Variants in APBB2 observed in about 807,000 individuals in gnomAD.
The protein encoded by APBB2 is amyloid beta precursor protein binding family B member 2.
APBB2 carries 38 observed loss-of-function variants against 82.5 expected under a neutral mutation model. The observed-to-expected ratio is 0.46, with a 90% CI of 0.36 to 0.60. The LOEUF (loss-of-function observed/expected upper bound fraction) is 0.60, where lower values mean the gene tolerates loss of function less well. Among genes scored for constraint, APBB2 ranks in the 20% least tolerant of loss-of-function variants. The probability of loss-of-function intolerance (pLI) is 0.00; values close to 1 mark genes in which losing one functional copy is unlikely to be tolerated. For synonymous variants in APBB2, 341 were observed against 368.2 expected (o/e 0.93, Z 0.85); for missense variants, 772 against 972.3 (o/e 0.79, Z 2.74).
intron 10 of APBB2, 74 bp downstream of exon 10, chr4:40,934,382 A>AAAAGTGCAAACTC: frequency 6.9e-7 from 1 of 1,445,620 alleles, no homozygotes; most frequent in Non-Finnish European, 9.7e-7. Context: ...GTTTGTAAAA[A>AAAAGTGCAAACTC]CTGGACAATG....
intron 6 of APBB2, among the ~76,000 whole-genome samples, chr4:41,012,732 A>G (rs1808741870): frequency 6.6e-6 from 1 of 152,190 alleles, no homozygotes; most frequent in African/African-American, 2.4e-5. Context: ...GGGACCCACT[A>G]GGGGAACTGC....
At chr4:41,096,209 C>T (rs1743408541) in intron 3 of APBB2, among the ~76,000 whole-genome samples, 2 of 152,222 alleles carry the variant, frequency 1.3e-5, no homozygotes, top group African/African-American at 4.8e-5. Context: ...CTTGAATCAG[C>T]TTTCACCACC....
chr4:40,935,103 C>G lies in APBB2; in HGVS notation c.1081G>C (p.Gly361Arg), dbSNP rs1260133960. The part of the protein sequence containing the change: ...PWSDFAVLNG[G>R]KINSDIWKDL... ...TTCCAAATGTCACTATTAATCTTTC[C>G]CCCATTCAGAACAGCAAAATCACTC... Residue 361 changes from glycine to arginine, a missense_variant, in exon 8 of 18, where the codon GGA (glycine) becomes CGA (arginine). Transcript: ENST00000508593. The G allele has an allele frequency of 6.5e-7, 1 of 1,535,882 alleles. No homozygotes were observed. Among genetic ancestry groups the G allele is most frequent in the East Asian group, 2.4e-5 (1 of 40,894 alleles).
chr4:40,947,672 T>C (rs1309222372), intron 6 of APBB2, among the ~76,000 whole-genome samples: 3 of 152,252 alleles, frequency 2.0e-5, no homozygotes, highest in African/African-American at 4.8e-5. Context: ...TGGTGACAGA[T>C]GCAAAGTGGG....
intron 1 of APBB2, among the ~76,000 whole-genome samples, chr4:41,170,732 T>C (rs747602242): frequency 3.3e-5 from 5 of 152,060 alleles, no homozygotes; most frequent in Non-Finnish European, 7.4e-5. Context: ...CAGATGATGG[T>C]ATTCTGCCAA....
chr4:41,124,165 C>T (rs1331060318), intron 2 of APBB2, among the ~76,000 whole-genome samples: 3 of 152,228 alleles, frequency 2.0e-5, no homozygotes, highest in Non-Finnish European at 2.9e-5. Context: ...TAATTTTCAG[C>T]TGTCACAAAA....
chr4:41,024,717 C>T (rs28628596), intron 5 of APBB2, among the ~76,000 whole-genome samples: 32,708 of 152,064 alleles, frequency 0.22, 3,583 homozygotes, highest in Non-Finnish European at 0.23. Context: ...TCCTGTTTTC[C>T]GGTAACTTGA....
intron 5 of APBB2, among the ~76,000 whole-genome samples, chr4:41,018,601 G>A (rs1232315265): frequency 1.3e-5 from 2 of 152,194 alleles, no homozygotes; most frequent in African/African-American, 4.8e-5. Flanking sequence ...TGTGTGTGTT[G>A]TATCTGTGTA....
chr4:40,880,372 TG>T, intron 12 of APBB2: 1 of 985,398 alleles, frequency 1.0e-6, no homozygotes, highest in Non-Finnish European at 1.2e-6. Flanking sequence ...CTCAGGATGA[TG>T]ACATTTGAGT....
chr4:40,935,000 A>G, intron 8 of APBB2, 77 bp downstream of exon 8: 1 of 1,241,918 alleles, frequency 8.1e-7, no homozygotes, highest in Non-Finnish European at 1.1e-6. Flanking sequence ...GATATTCACA[A>G]AGAAGAAAAA....
At chr4:41,107,860 T>C (rs902061856) in intron 2 of APBB2, among the ~76,000 whole-genome samples, 2 of 152,282 alleles carry the variant, frequency 1.3e-5, no homozygotes, top group South Asian at 4.1e-4. Flanking sequence ...GGTGACTGTT[T>C]TAGATTAAAG....
chr4:41,095,253 A>C (rs1428400489), intron 3 of APBB2, among the ~76,000 whole-genome samples: 1 of 152,238 alleles, frequency 6.6e-6, no homozygotes, highest in East Asian at 1.9e-4. Flanking sequence ...AGCAGATATA[A>C]GATTAAATAA....
intron 4 of APBB2, among the ~76,000 whole-genome samples, chr4:41,064,326 T>TGA (rs1368475330): frequency 1.3e-5 from 2 of 152,134 alleles, no homozygotes; most frequent in African/African-American, 4.8e-5. Context: ...ATTACAGGCA[T>TGA]GAGCCCAGCC....
intron 6 of APBB2, among the ~76,000 whole-genome samples, chr4:40,992,816 T>G (rs1162538342): frequency 6.6e-6 from 1 of 152,102 alleles, no homozygotes; most frequent in Non-Finnish European, 1.5e-5. Context: ...TCATGGGCAA[T>G]GACGAACAAG....
intron 6 of APBB2, among the ~76,000 whole-genome samples, chr4:40,984,021 G>C (rs1799780257): frequency 6.6e-6 from 1 of 152,198 alleles, no homozygotes; most frequent in African/African-American, 2.4e-5. Context: ...TCTGGTTAAA[G>C]TGCTGGGGGT....
Position 40,934,540 on chromosome 4 carries a change from G to C in APBB2, c.1194-24C>G, listed in dbSNP as rs373141434. The C allele has an allele frequency of 3.1e-6, 5 of 1,613,556 alleles. No homozygotes were observed. The African/African-American group carries it at 4.0e-5, about 13-fold the overall frequency. On this transcript the variant is annotated intron_variant, in intron 9 of 17. Coordinates refer to ENST00000508593, the MANE Select transcript of APBB2 (RefSeq NM_004307.2). Reference sequence around the variant, plus strand: ...TTCTAGGCAGAAAAACAGAAAAGTGGACTTAGAATTCTATTGCAAACTATC... The same window carrying C: ...TTCTAGGCAGAAAAACAGAAAAGTGCACTTAGAATTCTATTGCAAACTATC...
intron 2 of APBB2, among the ~76,000 whole-genome samples, chr4:41,121,494 G>GGT (rs1371090935): frequency 6.6e-6 from 1 of 152,240 alleles, no homozygotes; most frequent in East Asian, 1.9e-4. Flanking sequence ...GCGCATCTGT[G>GGT]GTGTGGCTGG....
chr4:41,048,638 TC>T (rs1373972531), intron 4 of APBB2, among the ~76,000 whole-genome samples: 1 of 144,794 alleles, frequency 6.9e-6, no homozygotes, highest in South Asian at 2.3e-4. Context: ...CCTCTCCCTA[TC>T]CCTCCCCCTC....
chr4:40,861,005 T>C (rs1541978), intron 12 of APBB2, among the ~76,000 whole-genome samples: 122,965 of 152,100 alleles, frequency 0.81, 50,157 homozygotes, highest in African/African-American at 0.84. Flanking sequence ...AGTAATAAAA[T>C]GTATTTCTGA....
Sources: allele counts gnomAD v4.1 joint callset (sites outside exome capture counted in the v4.1 genomes callset), GRCh38; gene constraint gnomAD v4.1.1; transcripts MANE v1.5; gene names NCBI Gene and HGNC (gene_info 2026-07-23, HGNC 2026-07-21).